The following KIN variants were observed in gnomAD, a reference collection of about 807,000 sequenced individuals.
KIN encodes Kin17 DNA and RNA binding protein, also known as DNA/RNA-binding protein KIN17.
A neutral mutation model predicts 63.0 loss-of-function variants in KIN; 47 were observed. The observed-to-expected ratio is 0.75, with a 90% confidence interval of 0.59 to 0.95. KIN has a LOEUF of 0.95. Ranked by LOEUF, KIN falls within the 40% of genes least tolerant of loss-of-function variation. The pLI is 0.00. For missense variants in KIN, 408 were observed against 460.9 expected, an observed-to-expected ratio of 0.89 and a Z score of 1.05; for synonymous variants, 160 against 157.7, an observed-to-expected ratio of 1.01 and a Z score of -0.11.
chr10:7,783,105 TG>T lies in KIN; in HGVS notation c.184del (p.Gln62SerfsTer16). ...CTCTGAAAAATAATCCATAAACTGC[TG>T]AGGATTTTCTGAAGCCAGCAATAGT... is the stretch of plus-strand genomic sequence containing the variant. ...RQLLLASENPQQFMDYFSEEF... is the reference protein window; with the variant it reads ...RQLLLASENPXQFMDYFSEEF... On this transcript the variant is annotated frameshift_variant, in exon 2 of 13. Transcript: ENST00000379562. LOFTEE classifies it high-confidence loss of function. 1 of 1,602,106 alleles carries T rather than the reference TG, an allele frequency of 6.2e-7. No homozygotes were observed. Among genetic ancestry groups the T allele is most frequent in the Non-Finnish European group, 8.5e-7 (1 of 1,173,098 alleles).
rs142416948 is a variant in KIN, at chr10:7,763,745, T to C, written c.896A>G (p.His299Arg). Residue 299 changes from histidine to arginine, a missense_variant, in exon 10 of 13, where the codon CAT becomes CGT. This residue lies in a region of KIN where 298 missense variants were observed against 296.0 expected (regional missense o/e 1.01). Coordinates refer to ENST00000379562, the MANE Select transcript of KIN (RefSeq NM_012311.4). Reference protein sequence around the residue: ...IITKKLGEKYHKKKAIVKEVI... With the variant: ...IITKKLGEKYRKKKAIVKEVI... ...TACCTTAACAATAGCCTTTTTCTTA[T>C]GATATTTCTCTCCCAGTTTCTTGGT... is the stretch of plus-strand genomic sequence containing the variant. 6 of 1,484,406 alleles carry C rather than the reference T, an allele frequency of 4.0e-6. No homozygotes were observed. The highest frequency in any genetic ancestry group is 1.4e-5 in the African/African-American group (1 of 71,280). 92.0% of individuals were successfully genotyped at this position (1,484,406 alleles called of 1,614,324 possible).
chr10:7,768,844 C>T (rs1835606939), intron 8 of KIN, among the ~76,000 whole-genome samples: 1 of 151,918 alleles, frequency 6.6e-6, no homozygotes, highest in South Asian at 2.1e-4. Context: ...TGGTGAAACC[C>T]CATCTCTACT....
intron 1 of KIN, among the ~76,000 whole-genome samples, chr10:7,786,182 A>G (rs1338469349): frequency 1.3e-5 from 2 of 152,154 alleles, no homozygotes; most frequent in African/African-American, 4.8e-5. Flanking sequence ...ATAACAGTCT[A>G]TTGCTTTTGA....
rs10752117 is a variant in KIN, at chr10:7,782,080, A to C, written c.209+1001T>G. On this transcript the variant is annotated intron_variant, in intron 2 of 12. Coordinates refer to ENST00000379562, the MANE Select transcript of KIN (RefSeq NM_012311.4). ...GTCTCAATAATAATAACAATAATAA[A>C]AATTTATAAACCAATTTTTTTAAAA... Among the ~76,000 whole-genome samples the C allele has an allele frequency of 2.6e-5, 4 of 151,988 alleles. No homozygotes were observed. In the South Asian group the frequency reaches 8.3e-4, roughly 32 times the overall value.
chr10:7,756,867 A>G (rs2130981261), intron 12 of KIN, among the ~76,000 whole-genome samples: 1 of 152,270 alleles, frequency 6.6e-6, no homozygotes, highest in African/African-American at 2.4e-5. Context: ...CTTCTTTCAT[A>G]TCGAACAAAA....
intron 8 of KIN, among the ~76,000 whole-genome samples, chr10:7,767,844 A>G (rs1468834249): frequency 6.8e-6 from 1 of 147,586 alleles, no homozygotes; most frequent in Admixed American, 6.7e-5. Context: ...GAGTGACAGA[A>G]CACAGAGCAG....
intron 7 of KIN, among the ~76,000 whole-genome samples, chr10:7,770,696 T>C (rs1396199267): frequency 6.6e-6 from 1 of 152,240 alleles, no homozygotes; most frequent in African/African-American, 2.4e-5. Context: ...AATTATTTAA[T>C]GTGTCATATT....
At chr10:7,776,902 A>G (rs1190166199) in intron 5 of KIN, among the ~76,000 whole-genome samples, 2 of 151,404 alleles carry the variant, frequency 1.3e-5, no homozygotes, top group South Asian at 2.1e-4. Context: ...TATTAAAAAA[A>G]AAAAAAATTA....
At position 7,760,812 on chromosome 10, in the gene KIN, T is replaced by C. The variant is rs148446498; in HGVS notation, c.1019-822A>G. 2.8e-3 allele frequency among the ~76,000 whole-genome samples: 422 copies of C among 152,266 alleles called. 2 individuals carry two copies. Among genetic ancestry groups the C allele is most frequent in the African/African-American group, 9.8e-3 (407 of 41,562 alleles). ...TTGGTACTATCCATGGTTTCAGGCA[T>C]TCACTGGTGGTCTTGGAAGGTATAG... On this transcript the variant is annotated intron_variant, in intron 11 of 12. Transcript: ENST00000379562.
chr10:7,780,204 A>C, intron 3 of KIN, 26 bp from the exon 4 acceptor site: 1 of 1,611,820 alleles, frequency 6.2e-7, no homozygotes. Flanking sequence ...GACACTGATG[A>C]TCATCAGAAG....
chr10:7,773,062 G>C (rs1835698587), intron 7 of KIN, among the ~76,000 whole-genome samples: 1 of 152,232 alleles, frequency 6.6e-6, no homozygotes, highest in African/African-American at 2.4e-5. Flanking sequence ...ATGGGGCAAA[G>C]AGACATTTGA....
At chr10:7,777,041 GAGAC>G (rs1426752090) in intron 5 of KIN, among the ~76,000 whole-genome samples, 1 of 107,228 alleles carries the variant, frequency 9.3e-6, no homozygotes, top group Non-Finnish European at 1.7e-5. Context: ...GTGACAGAGA[GAGAC>G]AGTCTCTCAA....
chr10:7,782,690 C>T (rs1016898637), intron 2 of KIN, among the ~76,000 whole-genome samples: 1 of 152,094 alleles, frequency 6.6e-6, no homozygotes, highest in Non-Finnish European at 1.5e-5. Context: ...AGCCACCTCG[C>T]CTGGCTTCTT....
intron 5 of KIN, among the ~76,000 whole-genome samples, chr10:7,777,640 G>A (rs535558457): frequency 3.3e-5 from 5 of 151,754 alleles, no homozygotes; most frequent in Admixed American, 3.3e-4. Flanking sequence ...GCTCACGCCT[G>A]TAATCTCAGC....
intron 7 of KIN, among the ~76,000 whole-genome samples, chr10:7,772,433 A>C (rs1835685004): frequency 1.3e-5 from 2 of 152,192 alleles, no homozygotes; most frequent in Non-Finnish European, 2.9e-5. Flanking sequence ...AGCCTTTCTC[A>C]AAGGAGATAA....
In KIN at chr10:7,765,454, G is replaced by A. The variant is rs1464653297; in HGVS notation, c.849+599C>T. Among the ~76,000 whole-genome samples, 6 of 151,972 alleles carry A rather than the reference G, an allele frequency of 3.9e-5. No individual in the cohort carries two copies. In the East Asian group the frequency reaches 1.2e-3, roughly 29 times the overall value. On this transcript the variant is annotated intron_variant, in intron 9 of 12. Coordinates refer to ENST00000379562, the MANE Select transcript of KIN (RefSeq NM_012311.4). ...TATTTAAAAATAAAAAAAAGAATAA[G>A]ACACTCTGAAAGTTTTATGAAAATG...
chr10:7,781,607 C>CACACACAT (rs1835897257), intron 2 of KIN, among the ~76,000 whole-genome samples: 1 of 151,080 alleles, frequency 6.6e-6, no homozygotes, highest in African/African-American at 2.4e-5. Context: ...CACACACACA[C>CACACACAT]ACACAGAATC....
At chr10:7,756,561 A>G (rs1228776800) in intron 12 of KIN, among the ~76,000 whole-genome samples, 1 of 152,222 alleles carries the variant, frequency 6.6e-6, no homozygotes, top group African/African-American at 2.4e-5. Flanking sequence ...CCCAGTGCAC[A>G]CAGACATGGC....
intron 4 of KIN, among the ~76,000 whole-genome samples, chr10:7,779,761 T>C (rs565687969): frequency 1.4e-4 from 21 of 152,322 alleles, no homozygotes; most frequent in African/African-American, 4.8e-4. Flanking sequence ...CTTGAGTATC[T>C]GTGAATTTTG....
Sources: allele counts gnomAD v4.1 joint callset (sites outside exome capture counted in the v4.1 genomes callset), GRCh38; gene constraint gnomAD v4.1.1; regional missense constraint gnomAD v4.1.1; transcripts MANE v1.5; gene names NCBI Gene and HGNC (gene_info 2026-07-23, HGNC 2026-07-21).